Variants in TRPC4 observed in about 807,000 individuals in gnomAD.
TRPC4 encodes short transient receptor potential channel 4.
TRPC4 carries 49 observed loss-of-function variants against 99.4 expected under a neutral mutation model. That is an observed-to-expected ratio of 0.49 (90% CI 0.39 to 0.63). The LOEUF is 0.63. Among genes scored for constraint, TRPC4 ranks in the 20% least tolerant of loss-of-function variants. TRPC4 has a pLI of 0.00. For synonymous variants in TRPC4, 454 were observed against 425.9 expected (o/e 1.07, Z -0.81); for missense variants, 898 against 1,152.9 (o/e 0.78, Z 3.20).
At chr13:37,684,150 A>C (rs2138830215) in intron 4 of TRPC4, among the ~76,000 whole-genome samples, 1 of 152,334 alleles carries the variant, frequency 6.6e-6, no homozygotes, top group Non-Finnish European at 1.5e-5. Context: ...TAAATCAGCC[A>C]ACCATAATCT....
chr13:37,745,423 T>C (rs1282566035), intron 3 of TRPC4, among the ~76,000 whole-genome samples: 1 of 141,174 alleles, frequency 7.1e-6, no homozygotes, highest in Non-Finnish European at 1.5e-5. Context: ...TGATTATTTA[T>C]ATATATATAT....
In TRPC4 at chr13:37,637,062, C is replaced by A. The variant is rs149495867; in HGVS notation, c.2775G>T (p.Lys925Asn). 23 of 1,613,684 alleles carry A rather than the reference C, an allele frequency of 1.4e-5. No homozygotes were observed. In the African/African-American group the frequency reaches 3.1e-4, roughly 22 times the overall value. Residue 925 changes from lysine (K) to asparagine (N), a missense_variant, in exon 11 of 11, where the codon AAG (lysine) becomes AAT (asparagine). This residue lies in a region of TRPC4 where 346 missense variants were observed against 351.4 expected (regional missense o/e 0.98). Transcript: ENST00000379705. ...TCTCTGACTTGAATGGACACACTCT[C>A]TTTCCTACCTGTAACCCCAGTGTGT... is the stretch of plus-strand genomic sequence containing the variant. Reference protein sequence around the residue: ...NTDTLGLQVGKRVCPFKSEKV... With the variant: ...NTDTLGLQVGNRVCPFKSEKV...
intron 1 of TRPC4, among the ~76,000 whole-genome samples, chr13:37,790,557 GC>G (rs1382661874): frequency 6.6e-6 from 1 of 152,108 alleles, no homozygotes; most frequent in African/African-American, 2.4e-5. Flanking sequence ...GATAATATTT[GC>G]CTACCTGGGC....
intron 2 of TRPC4, among the ~76,000 whole-genome samples, chr13:37,774,858 A>G (rs1245937000): frequency 1.3e-5 from 2 of 151,774 alleles, no homozygotes; most frequent in African/African-American, 4.8e-5. Context: ...CCTTCTAATC[A>G]TAATATGTAT....
At chr13:37,781,887 A>G (rs774712276) in intron 2 of TRPC4, among the ~76,000 whole-genome samples, 10 of 150,008 alleles carry the variant, frequency 6.7e-5, no homozygotes, top group South Asian at 6.4e-4. Context: ...AGATTCTGAT[A>G]AAAGTCCTCT....
At chr13:37,759,937 G>T (rs1314092213) in intron 2 of TRPC4, among the ~76,000 whole-genome samples, 2 of 151,948 alleles carry the variant, frequency 1.3e-5, no homozygotes, top group South Asian at 4.1e-4. Flanking sequence ...AAAGAGAAAA[G>T]TTTGAACAAA....
In TRPC4 at chr13:37,633,715, A is replaced by T. The variant is rs1469918163; in HGVS notation, c.*3188T>A. The stretch of plus-strand genomic sequence containing the variant: ...ATGTTTTTGCATTAGTTTAATTGCC[A>T]TCCAGTAAATAGAGTAACTAATTTA... On this transcript the variant is annotated 3_prime_UTR_variant, in exon 11 of 11. Coordinates refer to ENST00000379705, the MANE Select transcript of TRPC4 (RefSeq NM_016179.4). 6.6e-6 allele frequency among the ~76,000 whole-genome samples: 1 copy of T among 152,150 alleles called. No homozygotes were observed. The highest frequency in any genetic ancestry group is 2.4e-5 in the African/African-American group (1 of 41,460).
At chr13:37,682,069 C>A (rs1049824835) in intron 4 of TRPC4, among the ~76,000 whole-genome samples, 2 of 152,168 alleles carry the variant, frequency 1.3e-5, no homozygotes, top group East Asian at 3.9e-4. Flanking sequence ...TTAACAGCAC[C>A]AATTACATGT....
At chr13:37,745,467 TATATATACACAC>T (rs1383407765) in intron 3 of TRPC4, among the ~76,000 whole-genome samples, 1,734 of 21,676 alleles carry the variant, frequency 0.08, 105 homozygotes, top group African/African-American at 0.24. Flanking sequence ...TATATATATA[TATATATACACAC>T]ACACACACAC....
chr13:37,685,960 G>A (rs750603014), intron 4 of TRPC4, among the ~76,000 whole-genome samples: 104 of 151,968 alleles, frequency 6.8e-4, no homozygotes, highest in Non-Finnish European at 1.1e-3. Context: ...GTCATATGTC[G>A]CACTGTACTA....
At chr13:37,653,733 T>C (rs1023573701) in intron 7 of TRPC4, among the ~76,000 whole-genome samples, 2 of 152,280 alleles carry the variant, frequency 1.3e-5, no homozygotes, top group African/African-American at 2.4e-5. Context: ...TATTCTTAAA[T>C]AGTGTTTTCT....
At chr13:37,719,935 C>G (rs974203704) in intron 3 of TRPC4, among the ~76,000 whole-genome samples, 6 of 149,104 alleles carry the variant, frequency 4.0e-5, no homozygotes, top group Non-Finnish European at 8.8e-5. Context: ...ACATTTCTAA[C>G]AGAAAAATTA....
In TRPC4 at chr13:37,642,648, T is replaced by G. The variant is rs375827259; in HGVS notation, c.2080-3349A>C. 5.3e-5 allele frequency among the ~76,000 whole-genome samples: 8 copies of G among 152,164 alleles called. No individual in the cohort carries two copies. In the East Asian group the frequency reaches 7.7e-4, roughly 15 times the overall value. On this transcript the variant is annotated intron_variant, in intron 8 of 10. Transcript: ENST00000379705. ...CTCAGTTTTTTCAGTGTAGGAACCT[T>G]GAGTTGGGAGAAATTATTTACACTC...
At chr13:37,826,584 G>A (rs1338173232) in intron 1 of TRPC4, among the ~76,000 whole-genome samples, 3 of 151,846 alleles carry the variant, frequency 2.0e-5, no homozygotes, top group African/African-American at 4.8e-5. Flanking sequence ...TTCTCTTTAA[G>A]AATGTTGAAT....
chr13:37,851,946 G>C (rs769315346), intron 1 of TRPC4, among the ~76,000 whole-genome samples: 1 of 152,206 alleles, frequency 6.6e-6, no homozygotes, highest in African/African-American at 2.4e-5. Flanking sequence ...ATTTGAACTA[G>C]ACCTAGCCAG....
At chr13:37,667,367 C>T (rs914108495) in intron 5 of TRPC4, among the ~76,000 whole-genome samples, 8 of 152,172 alleles carry the variant, frequency 5.3e-5, no homozygotes, top group Admixed American at 3.9e-4. Context: ...AGTACAGTGC[C>T]GCAATCTCGG....
intron 2 of TRPC4, among the ~76,000 whole-genome samples, chr13:37,761,932 G>A (rs574380732): frequency 6.6e-6 from 1 of 151,892 alleles, no homozygotes; most frequent in African/African-American, 2.4e-5. Flanking sequence ...TCCTGAAATG[G>A]CATCTGCTTC....
chr13:37,721,785 T>C (rs566285362), intron 3 of TRPC4, among the ~76,000 whole-genome samples: 1 of 152,308 alleles, frequency 6.6e-6, no homozygotes, highest in African/African-American at 2.4e-5. Flanking sequence ...GCGATTTTAT[T>C]TATTTTTTTA....
At position 37,782,947 on chromosome 13, in the gene TRPC4, T is replaced by C; in HGVS notation, c.378+9A>G. On this transcript the variant is annotated intron_variant, in intron 2 of 10. Transcript: ENST00000379705. ...TAAAATAAATTAAAAACTGTATTTT[T>C]GCAGGTACCTGTTTTTCTCCACTAG... is the stretch of plus-strand genomic sequence containing the variant. The C allele has an allele frequency of 1.4e-6, 2 of 1,425,038 alleles. No homozygotes were observed. The allele number at this position is 1,425,038 out of a possible 1,614,324, so 88.3% of individuals were successfully genotyped here.
Sources: gnomAD v4.1 joint callset for allele counts (sites outside exome capture counted in the v4.1 genomes callset) on GRCh38, gnomAD v4.1.1 for gene constraint, gnomAD v4.1.1 regional missense constraint, MANE v1.5 for transcripts, NCBI Gene and HGNC (gene_info 2026-07-23, HGNC 2026-07-21) for gene names.